Variants in NLRP11 observed in about 807,000 individuals in gnomAD.
The protein encoded by NLRP11 is NLR family pyrin domain containing 11.
A neutral mutation model predicts 79.3 loss-of-function variants in NLRP11; 53 were observed. The observed-to-expected ratio is 0.67, with a 90% confidence interval of 0.54 to 0.84. The LOEUF (loss-of-function observed/expected upper bound fraction) is 0.84, where lower values mean the gene tolerates loss of function less well. NLRP11 is among the 40% of genes least tolerant of loss of function. NLRP11 has a pLI of 0.00. For synonymous variants in NLRP11, 518 were observed against 462.6 expected, an observed-to-expected ratio of 1.12 and a Z score of -1.54; for missense variants, 1,264 against 1,255.0, an observed-to-expected ratio of 1.01 and a Z score of -0.11.
chr19:55,792,068 T>A (rs1990264389), intron 7 of NLRP11, among the ~76,000 whole-genome samples: 1 of 152,166 alleles, frequency 6.6e-6, no homozygotes, highest in Admixed American at 6.5e-5. Flanking sequence ...CAGGCACCCT[T>A]CTCCATGTGA....
intron 1 of NLRP11, among the ~76,000 whole-genome samples, chr19:55,831,649 C>G (rs1055435544): frequency 1.3e-5 from 2 of 152,018 alleles, no homozygotes; most frequent in Non-Finnish European, 2.9e-5. Flanking sequence ...GCTATGATGA[C>G]GAGTTAGTTA....
intron 1 of NLRP11, among the ~76,000 whole-genome samples, chr19:55,819,122 C>T (rs73060131): frequency 0.054 from 7,501 of 138,510 alleles, 236 homozygotes; most frequent in African/African-American, 0.078. Context: ...TGAGTGGTAT[C>T]GCCTACACAC....
intron 6 of NLRP11, among the ~76,000 whole-genome samples, chr19:55,795,622 T>G (rs1334484172): frequency 2.6e-5 from 4 of 152,156 alleles, no homozygotes; most frequent in African/African-American, 9.7e-5. Context: ...CTCAAGCAGC[T>G]GGGACTACAG....
chr19:55,810,686 C>G (rs59357144), intron 2 of NLRP11, among the ~76,000 whole-genome samples: 15,142 of 152,110 alleles, frequency 0.1, 1,119 homozygotes, highest in East Asian at 0.24. Flanking sequence ...TTAGTAGAGA[C>G]AGGGTTTTGC....
intron 5 of NLRP11, among the ~76,000 whole-genome samples, chr19:55,799,168 G>A (rs1287940162): frequency 6.6e-6 from 1 of 152,132 alleles, no homozygotes; most frequent in African/African-American, 2.4e-5. Flanking sequence ...TTGGGAGGGT[G>A]AGGCATGAAA....
At chr19:55,798,261 G>A in intron 5 of NLRP11, 3 of 923,028 alleles carry the variant, frequency 3.3e-6, no homozygotes, top group Non-Finnish European at 3.9e-6. Flanking sequence ...GCCTCCCAAA[G>A]TGTTGGGATT....
intron 1 of NLRP11, among the ~76,000 whole-genome samples, chr19:55,831,115 C>G (rs1982735702): frequency 7.9e-6 from 1 of 126,302 alleles, no homozygotes; most frequent in Non-Finnish European, 1.7e-5. Context: ...CCCCATCCCC[C>G]CCACCCCCCC....
chr19:55,795,262 G>A (rs1052463169), intron 6 of NLRP11, among the ~76,000 whole-genome samples: 1 of 152,070 alleles, frequency 6.6e-6, no homozygotes, highest in Admixed American at 6.6e-5. Flanking sequence ...TACAGGGAGA[G>A]CCCGTCTTCC....
intron 1 of NLRP11, among the ~76,000 whole-genome samples, chr19:55,819,300 A>G (rs1981458972): frequency 6.6e-6 from 1 of 152,116 alleles, no homozygotes; most frequent in African/African-American, 2.4e-5. Context: ...TGTAAGAGAC[A>G]TGCCCCACAC....
exon 8 of NLRP11, chr19:55,789,248 A>C (rs774812188): frequency 6.2e-7 from 1 of 1,612,352 alleles, no homozygotes; most frequent in South Asian, 1.1e-5. Context: ...ACCAACATGC[A>C]GTTGGGATGT....
intron 8 of NLRP11, 111 bp from the exon 9 acceptor site, chr19:55,789,088 AACTG>A: frequency 7.1e-7 from 1 of 1,417,510 alleles, no homozygotes; most frequent in South Asian, 1.3e-5. Flanking sequence ...TGGGCAAAAG[AACTG>A]ACTGTGCAAT....
intron 3 of NLRP11, 54 bp downstream of exon 3, chr19:55,808,715 T>C: frequency 1.3e-6 from 2 of 1,513,448 alleles, no homozygotes; most frequent in Non-Finnish European, 1.8e-6. Context: ...AGCTCTAGAA[T>C]TATGGGCAGG....
chr19:55,805,393 G>T lies in NLRP11; in HGVS notation c.2003+2460C>A, dbSNP rs929102410. ...TTTTAATTTACTTCCCAGCCTATGT[G>T]GCGACTCGGTGGGAGACTGGATGTT... is the stretch of plus-strand genomic sequence containing the variant. On this transcript the variant is annotated intron_variant, in intron 4 of 9. Coordinates refer to ENST00000589093, the Ensembl canonical transcript of NLRP11. Among the ~76,000 whole-genome samples the T allele has an allele frequency of 2.0e-5, 3 of 152,054 alleles. No homozygotes were observed. The East Asian group carries it at 5.8e-4, about 29-fold the overall frequency.
upstream of NLRP11, among the ~76,000 whole-genome samples, chr19:55,832,359 C>T (rs1194650167): frequency 1.3e-5 from 2 of 152,218 alleles, no homozygotes; most frequent in Admixed American, 1.3e-4. Context: ...AATACGCTGT[C>T]TAGTCTACAT....
At chr19:55,822,174 G>C (rs1981808122) in intron 1 of NLRP11, among the ~76,000 whole-genome samples, 1 of 152,174 alleles carries the variant, frequency 6.6e-6, no homozygotes, top group African/African-American at 2.4e-5. Context: ...TGAGACAGGA[G>C]AATCACTTGA....
exon 6 of NLRP11, chr19:55,796,184 C>G: frequency 6.2e-7 from 1 of 1,613,970 alleles, no homozygotes. Context: ...TTCTCAGACT[C>G]CCGCCACTGA....
chr19:55,797,127 T>TA (rs925646065), intron 5 of NLRP11, among the ~76,000 whole-genome samples: 8 of 152,154 alleles, frequency 5.3e-5, no homozygotes, highest in African/African-American at 1.9e-4. Context: ...CCCTATTTTT[T>TA]AAAAAAAGTT....
chr19:55,798,423 A>G (rs1979150908), intron 5 of NLRP11: 1 of 676,030 alleles, frequency 1.5e-6, no homozygotes. Context: ...AAAACCAAAT[A>G]CCACATGTTC....
chr19:55,823,383 C>G (rs1387294300), intron 1 of NLRP11, among the ~76,000 whole-genome samples: 2 of 136,568 alleles, frequency 1.5e-5, no homozygotes, highest in Non-Finnish European at 3.1e-5. Flanking sequence ...AACGCAGTTC[C>G]TCCCCAGAAA....
Sources: gnomAD v4.1 joint callset for allele counts (sites outside exome capture counted in the v4.1 genomes callset) on GRCh38, gnomAD v4.1.1 for gene constraint, MANE v1.5 for transcripts, NCBI Gene and HGNC (gene_info 2026-07-23, HGNC 2026-07-21) for gene names.